The following GRID2IP variants were observed in gnomAD, a reference collection of about 807,000 sequenced individuals.
GRID2IP encodes delphilin.
Under a neutral mutation model 114.3 loss-of-function variants are expected in GRID2IP, and 78 were observed. The ratio of observed to expected loss-of-function variants is 0.68; its 90% CI spans 0.57 to 0.82. The LOEUF (loss-of-function observed/expected upper bound fraction) is 0.82, where lower values mean the gene tolerates loss of function less well. GRID2IP is among the 40% of genes least tolerant of loss of function. The pLI, the probability that GRID2IP is intolerant of heterozygous loss-of-function variation, is 0.00. For missense variants in GRID2IP, 1,727 were observed against 1,678.5 expected (o/e 1.03, Z -0.51); for synonymous variants, 809 against 724.0 (o/e 1.12, Z -1.89).
In GRID2IP at chr7:6,551,084, A is replaced by T; in HGVS notation, c.353T>A (p.Leu118His). 1 of 1,316,974 alleles carries T rather than the reference A, an allele frequency of 7.6e-7. No homozygotes were observed. The highest frequency in any genetic ancestry group is 9.6e-7 in the Non-Finnish European group (1 of 1,037,040). The allele number at this position is 1,316,974 out of a possible 1,614,324, so 81.6% of individuals were successfully genotyped here. Residue 118 changes from leucine (L) to histidine (H), a missense_variant, in exon 1 of 22, where the codon CTT becomes CAT. Physicochemically the swap from Leu to His is moderately conservative, Grantham distance 99. Transcript: ENST00000457091. ...GRGLALGREL[L>H]RLAGRKRPDA... ...CGGGCGCTTGCGGCCGGCCAGGCGA[A>T]GCAGCTCACGGCCCAGAGCTAGGCC...
At chr7:6,544,231 A>T (rs879328164) in intron 1 of GRID2IP, among the ~76,000 whole-genome samples, 2 of 152,170 alleles carry the variant, frequency 1.3e-5, no homozygotes, top group African/African-American at 2.4e-5. Context: ...CCTGCACATC[A>T]TAGGCCCATG....
intron 1 of GRID2IP, among the ~76,000 whole-genome samples, chr7:6,550,309 T>C (rs1027850677): frequency 2.0e-5 from 3 of 152,092 alleles, no homozygotes; most frequent in Non-Finnish European, 4.4e-5. Flanking sequence ...ATGGGGAGGA[T>C]AGACAGAGAA....
rs1446352185 is a variant in GRID2IP at position 6,519,275 on chromosome 7, C to T, written c.1268+1303G>A. Among the ~76,000 whole-genome samples, 1 of 152,120 alleles carries T rather than the reference C, an allele frequency of 6.6e-6. No individual in the cohort carries two copies. The highest frequency in any genetic ancestry group is 1.5e-5 in the Non-Finnish European group (1 of 68,032). On this transcript the variant is annotated intron_variant, in intron 7 of 21. Coordinates refer to ENST00000457091, the MANE Select transcript of GRID2IP (RefSeq NM_001145118.2). The surrounding 1 kb of genome is among the most constrained non-coding windows in gnomAD (Gnocchi z 4.1). ...ATGTTTGCACGTATTTGTGAATATA[C>T]TAAAAACCACTGAATTGTATAATTA...
At position 6,516,135 on chromosome 7, in the gene GRID2IP, AAAATAAAG is replaced by A. The variant is rs1213010673; in HGVS notation, c.1269-1614_1269-1607del. On this transcript the variant is annotated intron_variant, in intron 7 of 21. Coordinates refer to ENST00000457091, the MANE Select transcript of GRID2IP (RefSeq NM_001145118.2). This position sits in a 1 kb window ranked among gnomAD's most constrained non-coding sequence, Gnocchi z 4.3. ...TAAAAAATAAATAAATAAATAAATA[AAAATAAAG>A]TAGGAGAATATCTTTTGACCTAGAA... Among the ~76,000 whole-genome samples, 5 of 142,488 alleles carry A rather than the reference AAAATAAAG, an allele frequency of 3.5e-5. No individual in the cohort carries two copies. The highest frequency in any genetic ancestry group is 1.1e-4 in the African/African-American group (4 of 37,438). 93.5% of individuals were successfully genotyped at this position (142,488 alleles called of 152,430 possible).
rs1779295803 is a variant in GRID2IP, at chr7:6,516,180, C to G, written c.1269-1651G>C. Among the ~76,000 whole-genome samples the G allele has an allele frequency of 6.6e-6, 1 of 151,340 alleles. No individual in the cohort carries two copies. Among genetic ancestry groups the G allele is most frequent in the Non-Finnish European group, 1.5e-5 (1 of 67,792 alleles). On this transcript the variant is annotated intron_variant, in intron 7 of 21. Transcript: ENST00000457091. This position sits in a 1 kb window ranked among gnomAD's most constrained non-coding sequence, Gnocchi z 4.3. The stretch of plus-strand genomic sequence containing the variant: ...CTTTTGACCTAGAAGCAGGGAAGAG[C>G]TTAAAATTTCAAAAGCCAAAACTGT...
At chr7:6,537,962 C>T (rs1198768063) in intron 2 of GRID2IP, among the ~76,000 whole-genome samples, 3 of 152,328 alleles carry the variant, frequency 2.0e-5, no homozygotes, top group Admixed American at 1.3e-4. Context: ...GCCTCTTAAC[C>T]TCTCCGAGCC....
rs539425587 is a variant in GRID2IP, at chr7:6,528,405, G to A, written c.585-1636C>T. 3.0e-4 allele frequency among the ~76,000 whole-genome samples: 46 copies of A among 152,292 alleles called. No individual in the cohort carries two copies. The highest frequency in any genetic ancestry group is 2.4e-3 in the Admixed American group (37 of 15,282). The stretch of plus-strand genomic sequence containing the variant: ...ACAGAGAGGACCTGTAGCTCTCCAC[G>A]GTTACACAGCTGGCCTGTGGCACAG... On this transcript the variant is annotated intron_variant, in intron 2 of 21. Transcript: ENST00000457091. The surrounding 1 kb of genome is among the most constrained non-coding windows in gnomAD (Gnocchi z 6.0).
At chr7:6,525,735 G>C (rs1480362209) in intron 4 of GRID2IP, among the ~76,000 whole-genome samples, 1 of 152,218 alleles carries the variant, frequency 6.6e-6, no homozygotes, top group East Asian at 1.9e-4. Context: ...GCAGGTGTTA[G>C]ACAGCAGGCA....
intron 1 of GRID2IP, among the ~76,000 whole-genome samples, chr7:6,541,710 T>C (rs991939513): frequency 6.6e-6 from 1 of 152,126 alleles, no homozygotes; most frequent in Non-Finnish European, 1.5e-5. Context: ...GAAATGAGCA[T>C]GCAAATGGTC....
In GRID2IP at chr7:6,509,129, G is replaced by A; in HGVS notation, c.1956C>T (p.Ser652=). 6.8e-7 allele frequency: 1 copy of A among 1,474,080 alleles called. No individual in the cohort carries two copies. Among genetic ancestry groups the A allele is most frequent in the Non-Finnish European group, 9.0e-7 (1 of 1,112,348 alleles). 91.3% of individuals were successfully genotyped at this position (1,474,080 alleles called of 1,614,324 possible). A position where few individuals can be genotyped will look rare whatever the true frequency, so the allele number is the denominator to read the frequency against. Residue 652 remains serine (S), a synonymous_variant, in exon 12 of 22, where the codon AGC becomes AGT. Coordinates refer to ENST00000457091, the MANE Select transcript of GRID2IP (RefSeq NM_001145118.2). This position sits in a 1 kb window ranked among gnomAD's most constrained non-coding sequence, Gnocchi z 4.9. ...GGCGGGTGGGGTCCGGGCTTGGGGG[G>A]CTGTCGGGGCAGATGGGCCCGGGGC... is the stretch of plus-strand genomic sequence containing the variant. ...QPGPGPICPD[S]PPSPDPTRPP...
chr7:6,503,237 G>A, intron 16 of GRID2IP, 74 bp from the exon 17 acceptor site: 1 of 1,247,154 alleles, frequency 8.0e-7, no homozygotes, highest in Non-Finnish European at 1.1e-6. Flanking sequence ...GCTTTGGGGT[G>A]GGAGGGGGGG....
At position 6,539,830 on chromosome 7, in the gene GRID2IP, C is replaced by G; in HGVS notation, c.472G>C (p.Val158Leu). Residue 158 changes from valine to leucine, a missense_variant, in exon 2 of 22, where the codon GTG (valine) becomes CTG (leucine). Coordinates refer to ENST00000457091, the MANE Select transcript of GRID2IP (RefSeq NM_001145118.2). ...GCAAACTGCTTCAGTGCAGCGAACA[C>G]CTGCTCCTTGGCAGTTGGCTGGTCC... The part of the protein sequence containing the change: ...LGDQPTAKEQ[V>L]FAALKQFAAE... 6.4e-7 allele frequency: 1 copy of G among 1,551,392 alleles called. No homozygotes were observed.
chr7:6,540,778 A>T (rs912289466), intron 1 of GRID2IP, among the ~76,000 whole-genome samples: 4 of 138,490 alleles, frequency 2.9e-5, no homozygotes. Context: ...TGACCCACCC[A>T]CCTTGGGCTC....
rs1231258014 is a variant in GRID2IP at position 6,505,914 on chromosome 7, G to A, written c.2545-7C>T. The A allele has an allele frequency of 6.5e-7, 1 of 1,541,300 alleles. No individual in the cohort carries two copies. The highest frequency in any genetic ancestry group is 1.4e-5 in the African/African-American group (1 of 72,972). ...AGTCAGAGTCTTCCCCGAGCTGCGAGGGAGGATGGGAGGTTCAGAGTAGGA... is the reference window on the plus strand; with the variant it reads ...AGTCAGAGTCTTCCCCGAGCTGCGAAGGAGGATGGGAGGTTCAGAGTAGGA... On this transcript the variant is annotated splice_region_variant and splice_polypyrimidine_tract_variant and intron_variant, in intron 13 of 21. Coordinates refer to ENST00000457091, the MANE Select transcript of GRID2IP (RefSeq NM_001145118.2).
chr7:6,539,684 C>A, intron 2 of GRID2IP, 34 bp downstream of exon 2: 2 of 1,516,854 alleles, frequency 1.3e-6, no homozygotes, highest in South Asian at 1.2e-5. Context: ...TGAGACCCAC[C>A]CTGCCTGTCT....
At chr7:6,530,226 G>A (rs2115085315) in intron 2 of GRID2IP, among the ~76,000 whole-genome samples, 1 of 152,016 alleles carries the variant, frequency 6.6e-6, no homozygotes, top group African/African-American at 2.4e-5. Context: ...CCAAAGTGCT[G>A]GGATTACAGG....
rs1473233175 is a variant in GRID2IP, at chr7:6,510,948, G to A, written c.1515C>T (p.Arg505=). The change falls in exon 9 of 22, where the codon CGC becomes CGT. Residue 505 remains arginine, a synonymous_variant. Transcript: ENST00000457091. ...SSLRASSMCR[R]SLRSQGLEAG... Reference sequence around the variant, plus strand: ...CCTCCAGGCCCTGGGACCGGAGGCTGCGGCGGCACATGGAGGAAGCCCGCA... The same window carrying A: ...CCTCCAGGCCCTGGGACCGGAGGCTACGGCGGCACATGGAGGAAGCCCGCA... 13 of 1,549,012 alleles carry A rather than the reference G, an allele frequency of 8.4e-6. No individual in the cohort carries two copies. Among genetic ancestry groups the A allele is most frequent in the Middle Eastern group, 1.7e-4 (1 of 5,982 alleles).
chr7:6,509,114 G>GGGGGGGGGGGC lies in GRID2IP; in HGVS notation c.1970_1971insGCCCCCCCCCC (p.Asp657GlufsTer34). On this transcript the variant is annotated frameshift_variant, in exon 12 of 22. Transcript: ENST00000457091. LOFTEE classifies it high-confidence loss of function. This position sits in a 1 kb window ranked among gnomAD's most constrained non-coding sequence, Gnocchi z 4.9. ...TCCTGCGGCTGGGCGGGCGGGTGGGGTCCGGGCTTGGGGGGCTGTCGGGGC... is the reference window on the plus strand; with the variant it reads ...TCCTGCGGCTGGGCGGGCGGGTGGGGGGGGGGGGGGCTCCGGGCTTGGGGGGCTGTCGGGGC... The GGGGGGGGGGGC allele has an allele frequency of 8.9e-7, 1 of 1,119,874 alleles. No homozygotes were observed. The allele number at this position is 1,119,874 out of a possible 1,614,324, so 69.4% of individuals were successfully genotyped here.
chr7:6,518,140 G>C (rs1236949439), intron 7 of GRID2IP, among the ~76,000 whole-genome samples: 1 of 151,854 alleles, frequency 6.6e-6, no homozygotes, highest in East Asian at 1.9e-4. Flanking sequence ...AGAGGCACAA[G>C]GATCACTTCA....
Sources: allele counts gnomAD v4.1 joint callset (sites outside exome capture counted in the v4.1 genomes callset), GRCh38; gene constraint gnomAD v4.1.1; non-coding constraint Gnocchi (gnomAD v3.1); transcripts MANE v1.5; gene names NCBI Gene and HGNC (gene_info 2026-07-23, HGNC 2026-07-21).